YBX3: variants seen among roughly 807,000 people sequenced by gnomAD.
YBX3 encodes Y-box binding protein 3.
In YBX3, 29 loss-of-function variants were observed where a neutral mutation model predicts 42.4. The observed-to-expected ratio is 0.68, with a 90% CI of 0.51 to 0.93. YBX3 has a LOEUF of 0.93. Ranked by LOEUF, YBX3 falls within the 40% of genes least tolerant of loss-of-function variation. The pLI is 0.00. For missense variants in YBX3, 517 were observed against 527.5 expected, an observed-to-expected ratio of 0.98 and a Z score of 0.19; for synonymous variants, 195 against 189.8, an observed-to-expected ratio of 1.03 and a Z score of -0.22.
At chr12:10,720,669 C>A (rs890090515) in intron 1 of YBX3, 1 of 151,958 alleles carries the variant, frequency 6.6e-6, no homozygotes, top group Non-Finnish European at 1.5e-5. Context: ...AAATTAATTA[C>A]CTGGGAAAAT....
chr12:10,721,474 C>T (rs140464728), intron 1 of YBX3, among the ~76,000 whole-genome samples: 2,299 of 152,302 alleles, frequency 0.015, 34 homozygotes, highest in Middle Eastern at 0.085. Context: ...AGACATCTGG[C>T]AGAAAGTGTT....
chr12:10,710,677 G>T, intron 5 of YBX3: 1 of 870,518 alleles, frequency 1.1e-6, no homozygotes, highest in Non-Finnish European at 1.6e-6. Flanking sequence ...TCTCTCAGAA[G>T]TATATGGTGG....
In YBX3 at chr12:10,704,041, T is replaced by C. The variant is rs1428199371; in HGVS notation, c.878+10A>G. On this transcript the variant is annotated intron_variant, in intron 7 of 9. Coordinates refer to ENST00000228251, the MANE Select transcript of YBX3 (RefSeq NM_003651.5). ...CCTTTAACTGGCCATTAGTGGAAAA[T>C]GCGACATACCTACGGTACCTTGGGC... is the stretch of plus-strand genomic sequence containing the variant. 1 of 1,614,012 alleles carries C rather than the reference T, an allele frequency of 6.2e-7. No homozygotes were observed.
intron 3 of YBX3, 65 bp from the exon 4 acceptor site, chr12:10,715,848 T>G (rs1056141507): frequency 7.5e-7 from 1 of 1,338,166 alleles, no homozygotes; most frequent in African/African-American, 1.4e-5. Flanking sequence ...TTTCACTGCT[T>G]TCAAGTACAC....
chr12:10,705,049 G>A (rs1014981298), intron 6 of YBX3, among the ~76,000 whole-genome samples: 1 of 152,154 alleles, frequency 6.6e-6, no homozygotes, highest in Non-Finnish European at 1.5e-5. Flanking sequence ...ACACCGTTTA[G>A]AATTATGCAC....
In YBX3 at chr12:10,719,837, CCT is replaced by C. The variant is rs371838693; in HGVS notation, c.263-696_263-695del. ...CTTAAGCATTTTTCCATAAAATCCC[CCT>C]CTTTACCATAATGGTTGTCTCTACC... On this transcript the variant is annotated intron_variant, in intron 1 of 9. Transcript: ENST00000228251. Among the ~76,000 whole-genome samples, 299 of 152,290 alleles carry C rather than the reference CCT, an allele frequency of 2.0e-3. 1 individual carries two copies. The highest frequency in any genetic ancestry group is 6.9e-3 in the African/African-American group (285 of 41,552).
intron 6 of YBX3, 37 bp downstream of exon 6, chr12:10,709,871 G>T (rs750967897): frequency 1.2e-6 from 2 of 1,609,484 alleles, no homozygotes; most frequent in East Asian, 4.5e-5. Context: ...ACGGAAGGGT[G>T]AGGATTGCTG....
intron 8 of YBX3, 72 bp from the exon 9 acceptor site, chr12:10,701,425 TA>T (rs544835324): frequency 2.6e-6 from 2 of 764,850 alleles, no homozygotes; most frequent in South Asian, 2.8e-5. Flanking sequence ...TGAAAGTTCT[TA>T]AAAGTTTGAA....
At chr12:10,721,271 TCTGCAGAGGCAG>T (rs1469379628) in intron 1 of YBX3, among the ~76,000 whole-genome samples, 1 of 152,230 alleles carries the variant, frequency 6.6e-6, no homozygotes, top group Non-Finnish European at 1.5e-5. Flanking sequence ...TCACCAGGGA[TCTGCAGAGGCAG>T]TTGCTTGAGG....
At chr12:10,709,484 AC>A (rs1157586342) in intron 6 of YBX3, among the ~76,000 whole-genome samples, 1 of 152,184 alleles carries the variant, frequency 6.6e-6, no homozygotes, top group Non-Finnish European at 1.5e-5. Context: ...AATCATCATA[AC>A]CCTATGGTGC....
chr12:10,705,034 C>T (rs1238520354), intron 6 of YBX3, among the ~76,000 whole-genome samples: 3 of 152,132 alleles, frequency 2.0e-5, no homozygotes, highest in Non-Finnish European at 2.9e-5. Flanking sequence ...CCCTTTATAG[C>T]AAAAACACCG....
intron 7 of YBX3, 145 bp downstream of exon 7, chr12:10,703,906 C>A: frequency 3.0e-6 from 2 of 672,370 alleles, no homozygotes; most frequent in South Asian, 4.8e-5. Context: ...AATGTCACAC[C>A]ACCACCTGAA....
chr12:10,699,638 T>A lies in YBX3; in HGVS notation c.*51A>T, dbSNP rs1056857609. 1.3e-5 allele frequency: 2 copies of A among 152,648 alleles called. No individual in the cohort carries two copies. Among genetic ancestry groups the A allele is most frequent in the Non-Finnish European group, 2.9e-5 (2 of 68,040 alleles). The allele number at this position is 152,648 out of a possible 1,614,324, so 9.5% of individuals were successfully genotyped here. A position where few individuals can be genotyped will look rare whatever the true frequency, so the allele number is the denominator to read the frequency against. ...TTTTTGCTTTATTTCTGAATGGTCA[T>A]TAATTCTTTAGGTCACCTGGGAAAA... On this transcript the variant is annotated 3_prime_UTR_variant, in exon 10 of 10. Coordinates refer to ENST00000228251, the MANE Select transcript of YBX3 (RefSeq NM_003651.5).
chr12:10,699,848 T>C (rs1392887424), intron 9 of YBX3, among the ~76,000 whole-genome samples, 194 bp from the exon 10 acceptor site: 1 of 152,200 alleles, frequency 6.6e-6, no homozygotes, highest in East Asian at 1.9e-4. Context: ...TAATAAAGTA[T>C]TTTTATAAAC....
chr12:10,705,384 C>G (rs139629699), intron 6 of YBX3, among the ~76,000 whole-genome samples: 2 of 152,180 alleles, frequency 1.3e-5, no homozygotes, highest in African/African-American at 4.8e-5. Context: ...TGAGCCACCA[C>G]GTTGGTTTTC....
intron 3 of YBX3, among the ~76,000 whole-genome samples, chr12:10,716,341 C>G (rs1184651707): frequency 6.6e-6 from 1 of 152,188 alleles, no homozygotes; most frequent in Non-Finnish European, 1.5e-5. Flanking sequence ...ACAACCGTAA[C>G]AGCCCCAGGG....
chr12:10,708,479 A>G lies in YBX3; in HGVS notation c.780+1429T>C, dbSNP rs114332630. On this transcript the variant is annotated intron_variant, in intron 6 of 9. Coordinates refer to ENST00000228251, the MANE Select transcript of YBX3 (RefSeq NM_003651.5). ...GACAACCTTGAAGTAGCTTAGTTATATGGATGAGAGCTTTAGGAATTTTCT... is the reference window on the plus strand; with the variant it reads ...GACAACCTTGAAGTAGCTTAGTTATGTGGATGAGAGCTTTAGGAATTTTCT... Among the ~76,000 whole-genome samples, 714 of 152,332 alleles carry G rather than the reference A, an allele frequency of 4.7e-3. 2 individuals are homozygous for G. The highest frequency in any genetic ancestry group is 0.016 in the African/African-American group (683 of 41,576).
chr12:10,718,283 T>C, intron 2 of YBX3, 162 bp from the exon 3 acceptor site: 1 of 574,306 alleles, frequency 1.7e-6, no homozygotes, highest in Non-Finnish European at 2.9e-6. Context: ...TTGTTAAACA[T>C]TTCTAACTCC....
chr12:10,710,279 T>A lies in YBX3; in HGVS notation c.574-165A>T, dbSNP rs1227502640. 3.3e-6 allele frequency: 5 copies of A among 1,498,788 alleles called. No individual in the cohort carries two copies. The East Asian group carries it at 9.8e-5, about 29-fold the overall frequency. 92.8% of individuals were successfully genotyped at this position (1,498,788 alleles called of 1,614,324 possible). A position where few individuals can be genotyped will look rare whatever the true frequency, so the allele number is the denominator to read the frequency against. On this transcript the variant is annotated intron_variant, in intron 5 of 9. Transcript: ENST00000228251. Reference sequence around the variant, plus strand: ...TAACCCAGATTATCATGTGATTGCCTGGGATAAACTACATTAAGATTAGAG... The same window carrying A: ...TAACCCAGATTATCATGTGATTGCCAGGGATAAACTACATTAAGATTAGAG...
Sources: gnomAD v4.1 joint callset for allele counts (sites outside exome capture counted in the v4.1 genomes callset) on GRCh38, gnomAD v4.1.1 for gene constraint, MANE v1.5 for transcripts, NCBI Gene and HGNC (gene_info 2026-07-23, HGNC 2026-07-21) for gene names.